The following CRPPA variants were observed in gnomAD, a reference collection of about 807,000 sequenced individuals.
CRPPA encodes D-ribitol-5-phosphate cytidylyltransferase.
CRPPA carries 43 observed loss-of-function variants against 52.0 expected under a neutral mutation model. That is an observed-to-expected ratio of 0.83 (90% confidence interval 0.65 to 1.07). The LOEUF is 1.07. CRPPA is among the 50% of genes least tolerant of loss of function. The pLI is 0.00. For missense variants in CRPPA, 629 were observed against 551.7 expected (o/e 1.14, Z -1.40); for synonymous variants, 250 against 203.5 (o/e 1.23, Z -1.94).
Position 16,088,001 on chromosome 7 carries a change from T to G in CRPPA, c.*3694A>C, listed in dbSNP as rs1781731324. The G allele has an allele frequency of 6.6e-6, 1 of 152,154 alleles. No homozygotes were observed. The highest frequency in any genetic ancestry group is 2.4e-5 in the African/African-American group (1 of 41,440). 9.4% of individuals were successfully genotyped at this position (152,154 alleles called of 1,614,324 possible). On this transcript the variant is annotated 3_prime_UTR_variant, in exon 10 of 10. Transcript: ENST00000407010. The stretch of plus-strand genomic sequence containing the variant: ...GAAGAAAAAATTTCTGTTAAATTAA[T>G]GTAAAATACTTACAATAATAACCAT...
At chr7:16,163,688 G>A (rs755249235) in intron 9 of CRPPA, among the ~76,000 whole-genome samples, 1 of 152,176 alleles carries the variant, frequency 6.6e-6, no homozygotes, top group Non-Finnish European at 1.5e-5. Flanking sequence ...GCTTCCTTCA[G>A]GAGCTCTTGT....
intron 2 of CRPPA, among the ~76,000 whole-genome samples, chr7:16,383,967 C>T (rs1474603351): frequency 6.6e-6 from 1 of 152,222 alleles, no homozygotes; most frequent in Admixed American, 6.5e-5. Context: ...CAATGCCTCG[C>T]CCTGCTTTGG....
chr7:16,106,489 C>G (rs1031569887), intron 9 of CRPPA, among the ~76,000 whole-genome samples: 1 of 152,180 alleles, frequency 6.6e-6, no homozygotes, highest in Non-Finnish European at 1.5e-5. Flanking sequence ...AGCCACCAGA[C>G]AGCAGAGCCC....
chr7:16,326,780 T>G (rs749258072), intron 3 of CRPPA, among the ~76,000 whole-genome samples: 1 of 152,174 alleles, frequency 6.6e-6, no homozygotes, highest in Non-Finnish European at 1.5e-5. Flanking sequence ...AGAGACCAAA[T>G]GTTCTCTCTT....
intron 9 of CRPPA, among the ~76,000 whole-genome samples, chr7:16,162,951 TTTTCTTTTTCTTTTTC>T (rs1466188007): frequency 6.7e-6 from 1 of 150,228 alleles, no homozygotes; most frequent in African/African-American, 2.4e-5. Context: ...TTGTCTTTTT[TTTTCTTTTTCTTTTTC>T]TTTCTCTTTT....
chr7:16,092,100 C>A (rs1781849467), intron 9 of CRPPA, among the ~76,000 whole-genome samples: 1 of 152,200 alleles, frequency 6.6e-6, no homozygotes, highest in Non-Finnish European at 1.5e-5. Flanking sequence ...ACCTTTGGCT[C>A]TTCACTGAAG....
At chr7:16,105,798 C>T (rs531466331) in intron 9 of CRPPA, among the ~76,000 whole-genome samples, 1 of 152,262 alleles carries the variant, frequency 6.6e-6, no homozygotes, top group African/African-American at 2.4e-5. Flanking sequence ...GTGCCCACTT[C>T]CTTCCATTTC....
At chr7:16,270,081 ACTTT>A (rs1364441947) in intron 6 of CRPPA, 1 of 152,192 alleles carries the variant, frequency 6.6e-6, no homozygotes, top group Non-Finnish European at 1.5e-5. Flanking sequence ...AAACATATTT[ACTTT>A]ATGTGTAAAA....
intron 9 of CRPPA, among the ~76,000 whole-genome samples, chr7:16,197,267 G>A (rs1315546795): frequency 3.9e-5 from 6 of 152,176 alleles, no homozygotes; most frequent in East Asian, 1.9e-4. Context: ...TTAAAACCAC[G>A]TGAATACACT....
At chr7:16,318,179 G>C (rs997159871) in intron 3 of CRPPA, among the ~76,000 whole-genome samples, 3 of 152,062 alleles carry the variant, frequency 2.0e-5, no homozygotes, top group Non-Finnish European at 4.4e-5. Flanking sequence ...TATTTTCTTA[G>C]ACTACTCTTA....
At chr7:16,319,937 T>C (rs1179396963) in intron 3 of CRPPA, among the ~76,000 whole-genome samples, 2 of 152,184 alleles carry the variant, frequency 1.3e-5, no homozygotes, top group Non-Finnish European at 2.9e-5. Context: ...GTTCCAGAGG[T>C]ACCTGGTGCT....
intron 8 of CRPPA, among the ~76,000 whole-genome samples, chr7:16,241,769 G>A (rs138752515): frequency 4.5e-4 from 68 of 152,044 alleles, no homozygotes; most frequent in African/African-American, 1.5e-3. Context: ...GGTATTATTT[G>A]TGGTTTTACA....
Position 16,188,621 on chromosome 7 carries a change from C to G in CRPPA, c.1251+27445G>C, listed in dbSNP as rs1341620396. 2.0e-5 allele frequency among the ~76,000 whole-genome samples: 3 copies of G among 152,146 alleles called. No homozygotes were observed. In the East Asian group the frequency reaches 5.8e-4, roughly 29 times the overall value. The stretch of plus-strand genomic sequence containing the variant: ...TTTTCTCACCTATAAAATAATAATT[C>G]CCCAACATGTCCACTGTAAGCATAA... On this transcript the variant is annotated intron_variant, in intron 9 of 9. Transcript: ENST00000407010.
intron 5 of CRPPA, among the ~76,000 whole-genome samples, chr7:16,280,207 T>C (rs1784291949): frequency 6.6e-6 from 1 of 152,138 alleles, no homozygotes; most frequent in Non-Finnish European, 1.5e-5. Context: ...CATAAAATGA[T>C]TTAGTAGTGA....
At position 16,368,445 on chromosome 7, in the gene CRPPA, C is replaced by T. The variant is rs530522761; in HGVS notation, c.684+7647G>A. 2.4e-4 allele frequency among the ~76,000 whole-genome samples: 37 copies of T among 152,228 alleles called. 1 individual carries two copies. In the South Asian group the frequency reaches 7.5e-3, roughly 31 times the overall value. Reference sequence around the variant, plus strand: ...AAGCCCAAGATTCTTTGAAAACAAACACATACGAATTTATGTATCTTAAGT... The same window carrying T: ...AAGCCCAAGATTCTTTGAAAACAAATACATACGAATTTATGTATCTTAAGT... On this transcript the variant is annotated intron_variant, in intron 3 of 9. Transcript: ENST00000407010.
intron 5 of CRPPA, among the ~76,000 whole-genome samples, chr7:16,287,698 G>C (rs942757791): frequency 1.3e-5 from 2 of 152,120 alleles, no homozygotes; most frequent in African/African-American, 4.8e-5. Context: ...AAAGCGAATG[G>C]ATTGCTTGAG....
At position 16,177,111 on chromosome 7, in the gene CRPPA, T is replaced by C. The variant is rs377425096; in HGVS notation, c.1251+38955A>G. Reference sequence around the variant, plus strand: ...CATTGTTGAAAAGCCAAAACTATAATGACAGAAGAGAAATCAATAGTTGGC... The same window carrying C: ...CATTGTTGAAAAGCCAAAACTATAACGACAGAAGAGAAATCAATAGTTGGC... On this transcript the variant is annotated intron_variant, in intron 9 of 9. Coordinates refer to ENST00000407010, the MANE Select transcript of CRPPA (RefSeq NM_001101426.4). Among the ~76,000 whole-genome samples the C allele has an allele frequency of 3.3e-5, 5 of 152,220 alleles. No individual in the cohort carries two copies. In the East Asian group the frequency reaches 5.8e-4, roughly 18 times the overall value.
intron 3 of CRPPA, among the ~76,000 whole-genome samples, chr7:16,330,265 C>T (rs1364054242): frequency 6.6e-6 from 1 of 152,172 alleles, no homozygotes. Context: ...CACAGCTTAG[C>T]AGAAATGAGT....
intron 3 of CRPPA, among the ~76,000 whole-genome samples, chr7:16,321,941 T>C (rs953700526): frequency 6.6e-6 from 1 of 152,072 alleles, no homozygotes; most frequent in Non-Finnish European, 1.5e-5. Context: ...TAAAAGGCAC[T>C]GTAAAAGAAA....
Sources: allele counts gnomAD v4.1 joint callset (sites outside exome capture counted in the v4.1 genomes callset), GRCh38; gene constraint gnomAD v4.1.1; transcripts MANE v1.5; gene names NCBI Gene and HGNC (gene_info 2026-07-23, HGNC 2026-07-21).